Variants in ARPP19 observed in about 807,000 individuals in gnomAD.
The protein encoded by ARPP19 is cAMP regulated phosphoprotein 19.
Under a neutral mutation model 12.0 loss-of-function variants are expected in ARPP19, and 8 were observed. The ratio of observed to expected loss-of-function variants is 0.67; its 90% CI spans 0.39 to 1.21. The LOEUF is 1.21. ARPP19 is among the 50% of genes most tolerant of loss of function. The pLI is 0.01. For synonymous variants in ARPP19, 47 were observed against 50.4 expected, an observed-to-expected ratio of 0.93 and a Z score of 0.29; for missense variants, 102 against 136.3, an observed-to-expected ratio of 0.75 and a Z score of 1.25.
chr15:52,553,935 C>A (rs551454772), intron 2 of ARPP19, among the ~76,000 whole-genome samples: 3 of 152,196 alleles, frequency 2.0e-5, no homozygotes, highest in Non-Finnish European at 4.4e-5. Flanking sequence ...ATGTACCATA[C>A]GGAACAGTAA....
At chr15:52,564,280 T>C in intron 1 of ARPP19, 1 of 1,465,506 alleles carries the variant, frequency 6.8e-7, no homozygotes, top group Non-Finnish European at 9.2e-7. Flanking sequence ...ATGAGGCGGT[T>C]GCTCACACCT....
intron 1 of ARPP19, among the ~76,000 whole-genome samples, chr15:52,563,107 CTCGTGA>C (rs1198936068): frequency 1.3e-5 from 2 of 152,054 alleles, no homozygotes; most frequent in Non-Finnish European, 2.9e-5. Flanking sequence ...AACTCCTGAC[CTCGTGA>C]TCCATCTGCC....
At chr15:52,559,864 T>C (rs562178055) in intron 1 of ARPP19, among the ~76,000 whole-genome samples, 1 of 152,254 alleles carries the variant, frequency 6.6e-6, no homozygotes, top group South Asian at 2.1e-4. Context: ...TTCAAATAAT[T>C]TTGGCTGAAA....
chr15:52,555,087 T>C (rs2077969546), intron 2 of ARPP19, among the ~76,000 whole-genome samples: 1 of 152,050 alleles, frequency 6.6e-6, no homozygotes, highest in African/African-American at 2.4e-5. Context: ...AAATAACTTA[T>C]TCACTGACAT....
chr15:52,562,471 C>A (rs1306467338), intron 1 of ARPP19, among the ~76,000 whole-genome samples: 2 of 152,020 alleles, frequency 1.3e-5, no homozygotes. Flanking sequence ...TCTAGACCTA[C>A]CCGGGCAACA....
intron 1 of ARPP19, chr15:52,564,351 G>A (rs1323544484): frequency 5.2e-6 from 4 of 774,894 alleles, no homozygotes; most frequent in Non-Finnish European, 8.7e-6. Flanking sequence ...GTTCAAGGCG[G>A]CAATATGCTA....
intron 1 of ARPP19, among the ~76,000 whole-genome samples, chr15:52,562,207 T>C (rs2078040046): frequency 6.6e-6 from 1 of 152,276 alleles, no homozygotes; most frequent in Admixed American, 6.5e-5. Context: ...GTAGTTAAGA[T>C]ACTTGATTTT....
upstream of ARPP19, chr15:52,569,284 C>G (rs1282622156): frequency 7.4e-6 from 2 of 271,694 alleles, no homozygotes; most frequent in Admixed American, 6.2e-5. Flanking sequence ...ACTCTGGTCC[C>G]CTCGTTCTAG....
chr15:52,552,168 G>T, intron 2 of ARPP19, 64 bp from the exon 3 acceptor site: 1 of 910,200 alleles, frequency 1.1e-6, no homozygotes, highest in Non-Finnish European at 1.8e-6. Context: ...AGATGTCGAT[G>T]CAACCCCATA....
chr15:52,548,678 T>C lies in ARPP19; in HGVS notation c.*3256A>G, dbSNP rs1249804729. The C allele has an allele frequency of 7.9e-5, 12 of 152,456 alleles. No homozygotes were observed. Among genetic ancestry groups the C allele is most frequent in the Admixed American group, 7.9e-4 (12 of 15,264 alleles). The allele number at this position is 152,456 out of a possible 1,614,324, so 9.4% of individuals were successfully genotyped here. A position where few individuals can be genotyped will look rare whatever the true frequency, so the allele number is the denominator to read the frequency against. ...CTGAAAAAACATAGTTGATAAAGGG[T>C]TCAGTACTATCTGAGGTTTCAGGCA... is the stretch of plus-strand genomic sequence containing the variant. On this transcript the variant is annotated 3_prime_UTR_variant, in exon 3 of 3. Transcript: ENST00000249822.
At chr15:52,554,447 G>C (rs201207758) in intron 2 of ARPP19, among the ~76,000 whole-genome samples, 1 of 12,004 alleles carries the variant, frequency 8.3e-5, no homozygotes, top group East Asian at 0.056. Context: ...AGATAGAGAA[G>C]TGAACTAATG....
intron 1 of ARPP19, among the ~76,000 whole-genome samples, chr15:52,566,038 T>C (rs1374251142): frequency 6.6e-6 from 1 of 152,040 alleles, no homozygotes; most frequent in Non-Finnish European, 1.5e-5. Context: ...TATTTTTTAG[T>C]AGAGAGGGGG....
intron 2 of ARPP19, among the ~76,000 whole-genome samples, chr15:52,554,048 A>G (rs1054005445): frequency 2.0e-5 from 3 of 152,260 alleles, no homozygotes; most frequent in Non-Finnish European, 4.4e-5. Context: ...ATGCACTGTA[A>G]TATATTAAAA....
rs1010626725 is a variant in ARPP19 at position 52,549,952 on chromosome 15, G to A, written c.*1982C>T. The A allele has an allele frequency of 7.2e-5, 11 of 152,632 alleles. No homozygotes were observed. Among genetic ancestry groups the A allele is most frequent in the Admixed American group, 7.2e-4 (11 of 15,284 alleles). The allele number at this position is 152,632 out of a possible 1,614,324, so 9.5% of individuals were successfully genotyped here. ...CCTTTTGGGGTGAGTAGATCAGGAA[G>A]ATAATCAGCAAGCTTTCCTCAGAGC... On this transcript the variant is annotated 3_prime_UTR_variant, in exon 3 of 3. Coordinates refer to ENST00000249822, the MANE Select transcript of ARPP19 (RefSeq NM_006628.6).
At chr15:52,564,265 C>T (rs1033747829) in intron 1 of ARPP19, 43 of 1,528,310 alleles carry the variant, frequency 2.8e-5, no homozygotes, top group Non-Finnish European at 3.0e-5. Context: ...AAATAGAAAA[C>T]ATGGATGAGG....
chr15:52,551,557 A>G lies in ARPP19; in HGVS notation c.*377T>C, dbSNP rs2077931157. 1 of 159,904 alleles carries G rather than the reference A, an allele frequency of 6.3e-6. No homozygotes were observed. The highest frequency in any genetic ancestry group is 2.4e-5 in the African/African-American group (1 of 41,604). 9.9% of individuals were successfully genotyped at this position (159,904 alleles called of 1,614,324 possible). On this transcript the variant is annotated 3_prime_UTR_variant, in exon 3 of 3. Coordinates refer to ENST00000249822, the MANE Select transcript of ARPP19 (RefSeq NM_006628.6). ...CAAAAGGTAAATACAGAAGAAATCAATACAATAGAGATTATATTAAATAAG... is the reference window on the plus strand; with the variant it reads ...CAAAAGGTAAATACAGAAGAAATCAGTACAATAGAGATTATATTAAATAAG...
intron 1 of ARPP19, chr15:52,564,172 AACTT>A: frequency 6.6e-7 from 1 of 1,518,662 alleles, no homozygotes. Context: ...AACATTTAAA[AACTT>A]TTCTGAGGTT....
Position 52,549,508 on chromosome 15 carries a change from A to C in ARPP19, c.*2426T>G, listed in dbSNP as rs1037875770. 4.6e-5 allele frequency: 7 copies of C among 152,660 alleles called. No individual in the cohort carries two copies. The highest frequency in any genetic ancestry group is 1.0e-4 in the Non-Finnish European group (7 of 68,046). 9.5% of individuals were successfully genotyped at this position (152,660 alleles called of 1,614,324 possible). ...TGACTTACAGAAGGCAGGTTGGCTTAATGAGGAAATTTACTTTTAATAAAA... is the reference window on the plus strand; with the variant it reads ...TGACTTACAGAAGGCAGGTTGGCTTCATGAGGAAATTTACTTTTAATAAAA... On this transcript the variant is annotated 3_prime_UTR_variant, in exon 3 of 3. Coordinates refer to ENST00000249822, the MANE Select transcript of ARPP19 (RefSeq NM_006628.6).
At chr15:52,567,860 C>A (rs954287035) in intron 1 of ARPP19, among the ~76,000 whole-genome samples, 1 of 152,064 alleles carries the variant, frequency 6.6e-6, no homozygotes, top group Admixed American at 6.5e-5. Context: ...GAAACCCGCA[C>A]GAAGGTCAAG....
Sources: gnomAD v4.1 joint callset for allele counts (sites outside exome capture counted in the v4.1 genomes callset) on GRCh38, gnomAD v4.1.1 for gene constraint, MANE v1.5 for transcripts, NCBI Gene and HGNC (gene_info 2026-07-23, HGNC 2026-07-21) for gene names.